ANKS1B: variants seen among roughly 807,000 people sequenced by gnomAD.
ANKS1B encodes the protein ankyrin repeat and sterile alpha motif domain containing 1B, also known as ankyrin repeat and sterile alpha motif domain-containing protein 1B.
A neutral mutation model predicts 148.3 loss-of-function variants in ANKS1B; 36 were observed. The observed-to-expected ratio is 0.24, with a 90% confidence interval of 0.19 to 0.32. ANKS1B has a LOEUF of 0.32. ANKS1B is among the 10% of genes least tolerant of loss of function. The probability of loss-of-function intolerance (pLI) is 1.00; values close to 1 mark genes in which losing one functional copy is unlikely to be tolerated. For missense variants in ANKS1B, 1,157 were observed against 1,542.6 expected (o/e 0.75, Z 4.19); for synonymous variants, 542 against 560.8 (o/e 0.97, Z 0.47).
intron 12 of ANKS1B, among the ~76,000 whole-genome samples, chr12:99,309,503 A>C (rs547394947): frequency 4.3e-4 from 65 of 152,186 alleles, no homozygotes; most frequent in Non-Finnish European, 7.8e-4. Flanking sequence ...CAAGGTTAAA[A>C]ATCACTAAGT....
chr12:99,429,360 A>T (rs541092770), intron 11 of ANKS1B, among the ~76,000 whole-genome samples: 1 of 152,230 alleles, frequency 6.6e-6, no homozygotes, highest in African/African-American at 2.4e-5. Flanking sequence ...ATCTAATTAT[A>T]AGGAAATATC....
At chr12:98,851,785 G>T (rs1402916085) in intron 17 of ANKS1B, among the ~76,000 whole-genome samples, 2 of 152,006 alleles carry the variant, frequency 1.3e-5, no homozygotes, top group Non-Finnish European at 2.9e-5. Context: ...CAGCACTTTG[G>T]GAGGCTGAGG....
intron 2 of ANKS1B, among the ~76,000 whole-genome samples, chr12:99,824,226 A>C (rs185003681): frequency 6.6e-6 from 1 of 152,244 alleles, no homozygotes; most frequent in Non-Finnish European, 1.5e-5. Flanking sequence ...GACTAAAGTG[A>C]GGGCCAGGCG....
At chr12:98,915,905 T>A (rs900406239) in intron 17 of ANKS1B, among the ~76,000 whole-genome samples, 2 of 152,034 alleles carry the variant, frequency 1.3e-5, no homozygotes, top group Non-Finnish European at 2.9e-5. Flanking sequence ...AGCCACCACA[T>A]CTGGATGCCA....
intron 12 of ANKS1B, among the ~76,000 whole-genome samples, chr12:99,284,231 C>T (rs951258917): frequency 6.6e-6 from 1 of 152,156 alleles, no homozygotes; most frequent in Non-Finnish European, 1.5e-5. Context: ...CTCTTCCCCA[C>T]CCCAACCCAG....
chr12:99,718,327 A>T (rs1405250485), intron 8 of ANKS1B, among the ~76,000 whole-genome samples: 1 of 151,742 alleles, frequency 6.6e-6, no homozygotes, highest in Non-Finnish European at 1.5e-5. Flanking sequence ...TCTCATTGCC[A>T]CCCTTCTTCC....
intron 12 of ANKS1B, among the ~76,000 whole-genome samples, chr12:99,378,504 A>G (rs1229720455): frequency 1.3e-5 from 2 of 151,908 alleles, no homozygotes; most frequent in East Asian, 1.9e-4. Context: ...AAATACAAAA[A>G]ATTAGCTGGG....
chr12:99,947,829 T>C (rs920833510), intron 1 of ANKS1B, among the ~76,000 whole-genome samples: 2 of 152,148 alleles, frequency 1.3e-5, no homozygotes, highest in African/African-American at 4.8e-5. Context: ...AAGTCCCCAT[T>C]TCCTTGCTGG....
intron 17 of ANKS1B, among the ~76,000 whole-genome samples, chr12:98,901,342 C>T (rs566276022): frequency 3.3e-5 from 5 of 152,284 alleles, no homozygotes; most frequent in Admixed American, 1.3e-4. Flanking sequence ...ATGAGGCTCA[C>T]ATGTAGAATT....
intron 10 of ANKS1B, among the ~76,000 whole-genome samples, chr12:99,463,999 C>T (rs766209192): frequency 5.3e-5 from 8 of 152,182 alleles, no homozygotes; most frequent in Non-Finnish European, 1.2e-4. Flanking sequence ...CAAGTGGGTC[C>T]CTGACCCCTG....
At position 99,468,497 on chromosome 12, in the gene ANKS1B, C is replaced by G. The variant is rs1017622858; in HGVS notation, c.1439-24688G>C. Among the ~76,000 whole-genome samples the G allele has an allele frequency of 2.6e-3, 396 of 152,212 alleles. 1 individual carries two copies. Among genetic ancestry groups the G allele is most frequent in the African/African-American group, 9.3e-3 (387 of 41,520 alleles). On this transcript the variant is annotated intron_variant, in intron 10 of 26. Transcript: ENST00000683438. Reference sequence around the variant, plus strand: ...CAAAAGAAACTACCATCAGAGTGAACAGGCAACCTAAAAAATGGAAGAAAA... The same window carrying G: ...CAAAAGAAACTACCATCAGAGTGAAGAGGCAACCTAAAAAATGGAAGAAAA...
At chr12:99,247,712 G>A (rs747758584) in intron 12 of ANKS1B, among the ~76,000 whole-genome samples, 3 of 152,002 alleles carry the variant, frequency 2.0e-5, no homozygotes, top group Admixed American at 6.6e-5. Flanking sequence ...TGCTTTTTGC[G>A]ACTTAATTTG....
At chr12:99,793,808 A>G (rs184312103) in intron 4 of ANKS1B, among the ~76,000 whole-genome samples, 10 of 152,256 alleles carry the variant, frequency 6.6e-5, no homozygotes, top group Non-Finnish European at 1.3e-4. Flanking sequence ...AACCAAAGCA[A>G]AAATGGACAA....
At position 99,380,582 on chromosome 12, in the gene ANKS1B, G is replaced by A. The variant is rs546505686; in HGVS notation, c.1756+19049C>T. On this transcript the variant is annotated intron_variant, in intron 12 of 26. Coordinates refer to ENST00000683438, the MANE Select transcript of ANKS1B (RefSeq NM_001352186.2). ...CATAATTGTAATCCATGGGAACCAC[G>A]GATTTTTGCTGGAATATAAAGGATG... 1.1e-3 allele frequency among the ~76,000 whole-genome samples: 168 copies of A among 152,152 alleles called. 1 individual carries two copies. The highest frequency in any genetic ancestry group is 2.0e-3 in the Non-Finnish European group (138 of 68,002).
At chr12:99,165,463 A>G (rs2077104073) in intron 14 of ANKS1B, among the ~76,000 whole-genome samples, 1 of 151,956 alleles carries the variant, frequency 6.6e-6, no homozygotes, top group South Asian at 2.1e-4. Flanking sequence ...TTTTATGGAT[A>G]TAAAAAGAAT....
rs369832861 is a variant in ANKS1B, at chr12:99,034,324, AT to A, written c.2778+18832del. Among the ~76,000 whole-genome samples, 555 of 148,072 alleles carry A rather than the reference AT, an allele frequency of 3.7e-3. 22 individuals are homozygous for A. The East Asian group carries it at 0.072, about 19-fold the overall frequency. On this transcript the variant is annotated intron_variant, in intron 17 of 26. Transcript: ENST00000683438. ...GAGAACTGAGCACCTTAATTATTTTATTTTTTTTTTTGACATGGTCTTGGTC... is the reference window on the plus strand; with the variant it reads ...GAGAACTGAGCACCTTAATTATTTTATTTTTTTTTTGACATGGTCTTGGTC...
intron 19 of ANKS1B, among the ~76,000 whole-genome samples, chr12:98,809,323 T>C (rs1479204138): frequency 6.6e-6 from 1 of 152,232 alleles, no homozygotes; most frequent in Non-Finnish European, 1.5e-5. Flanking sequence ...TTGTCTCCAA[T>C]AGCTCTCCTC....
chr12:99,526,892 G>A (rs367829978), intron 9 of ANKS1B, among the ~76,000 whole-genome samples: 1 of 152,158 alleles, frequency 6.6e-6, no homozygotes, highest in East Asian at 1.9e-4. Context: ...ATGGAGATGA[G>A]GTTATTAGGG....
intron 22 of ANKS1B, among the ~76,000 whole-genome samples, chr12:98,783,148 A>G (rs116302316): frequency 0.017 from 2,661 of 152,354 alleles, 69 homozygotes; most frequent in African/African-American, 0.06. Context: ...ATGCAAAGCA[A>G]TATACAGCTA....
Sources: allele counts gnomAD v4.1 joint callset (sites outside exome capture counted in the v4.1 genomes callset), GRCh38; gene constraint gnomAD v4.1.1; transcripts MANE v1.5; gene names NCBI Gene and HGNC (gene_info 2026-07-23, HGNC 2026-07-21).